IQSEC1: variants seen among roughly 807,000 people sequenced by gnomAD.
The protein encoded by IQSEC1 is IQ motif and SEC7 domain-containing protein 1.
Under a neutral mutation model 91.0 loss-of-function variants are expected in IQSEC1, and 31 were observed. The ratio of observed to expected loss-of-function variants is 0.34; its 90% CI spans 0.26 to 0.46. The LOEUF (loss-of-function observed/expected upper bound fraction) is 0.46, where lower values mean the gene tolerates loss of function less well. Among genes scored for constraint, IQSEC1 ranks in the 20% least tolerant of loss-of-function variants. The probability of loss-of-function intolerance (pLI) is 1.00; values close to 1 mark genes in which losing one functional copy is unlikely to be tolerated. For synonymous variants in IQSEC1, 699 were observed against 662.6 expected (o/e 1.05, Z -0.84); for missense variants, 1,388 against 1,575.6 (o/e 0.88, Z 2.02).
At position 12,899,201 on chromosome 3, in the gene IQSEC1, C is replaced by G; in HGVS notation, c.*1782G>C. On this transcript the variant is annotated 3_prime_UTR_variant, in exon 14 of 14. Coordinates refer to ENST00000613206, the MANE Select transcript of IQSEC1 (RefSeq NM_001134382.3). ...GGAGGGAAATCGGCAAAACCCTGGCCAGCCAGCCAGCCAAGGTGACACACA... is the reference window on the plus strand; with the variant it reads ...GGAGGGAAATCGGCAAAACCCTGGCGAGCCAGCCAGCCAAGGTGACACACA... 1.6e-6 allele frequency: 1 copy of G among 626,592 alleles called. No individual in the cohort carries two copies. 38.8% of individuals were successfully genotyped at this position (626,592 alleles called of 1,614,324 possible).
Position 12,909,575 on chromosome 3 carries a change from C to A in IQSEC1, c.2417-141G>T, listed in dbSNP as rs796723555. 2 of 767,556 alleles carry A rather than the reference C, an allele frequency of 2.6e-6. No individual in the cohort carries two copies. Among genetic ancestry groups the A allele is most frequent in the South Asian group, 3.5e-5 (2 of 56,620 alleles). 47.5% of individuals were successfully genotyped at this position (767,556 alleles called of 1,614,324 possible). ...GCCGGGAGTCCAGCCTCCGCAGTGGCAGGCTGCAGGGGTGCAGAGCAACCT... is the reference window on the plus strand; with the variant it reads ...GCCGGGAGTCCAGCCTCCGCAGTGGAAGGCTGCAGGGGTGCAGAGCAACCT... On this transcript the variant is annotated intron_variant, in intron 10 of 13. Transcript: ENST00000613206. The surrounding 1 kb of genome is among the most constrained non-coding windows in gnomAD (Gnocchi z 4.9).
rs529960790 is a variant in IQSEC1, at chr3:13,066,539, C to G, written c.23+6453G>C. Among the ~76,000 whole-genome samples, 21 of 152,360 alleles carry G rather than the reference C, an allele frequency of 1.4e-4. No individual in the cohort carries two copies. The South Asian group carries it at 4.3e-3, about 32-fold the overall frequency. On this transcript the variant is annotated intron_variant, in intron 1 of 13. Transcript: ENST00000613206. ...AAGAAGGGCACTCCCGGCAGAGGAGCCAGCATGGGCAAGAGTGTGGCAGGG... is the reference window on the plus strand; with the variant it reads ...AAGAAGGGCACTCCCGGCAGAGGAGGCAGCATGGGCAAGAGTGTGGCAGGG...
chr3:12,906,113 C>T (rs1047600795), intron 12 of IQSEC1, among the ~76,000 whole-genome samples: 1 of 152,210 alleles, frequency 6.6e-6, no homozygotes, highest in Non-Finnish European at 1.5e-5. Flanking sequence ...TCATCAGTCC[C>T]CTGGCTTCAT....
At chr3:13,022,530 G>T (rs540966767) in intron 1 of IQSEC1, 2 of 912,202 alleles carry the variant, frequency 2.2e-6, no homozygotes, top group African/African-American at 3.6e-5. Flanking sequence ...AGCTGCCGGA[G>T]CCCAGGGGCT....
intron 2 of IQSEC1, among the ~76,000 whole-genome samples, chr3:13,092,793 G>T (rs978138155): frequency 6.6e-6 from 1 of 152,174 alleles, no homozygotes; most frequent in Non-Finnish European, 1.5e-5. Context: ...CACCTTGCAG[G>T]GTTCCTGTCC....
At chr3:13,280,211 A>G (rs925512661) in intron 1 of IQSEC1, among the ~76,000 whole-genome samples, 8 of 152,060 alleles carry the variant, frequency 5.3e-5, no homozygotes, top group Admixed American at 6.5e-5. Flanking sequence ...TTGTCCACTC[A>G]TGTTGCTCTC....
chr3:13,057,739 G>A lies in IQSEC1; in HGVS notation c.23+15253C>T, dbSNP rs552000864. Among the ~76,000 whole-genome samples the A allele has an allele frequency of 8.5e-5, 13 of 152,338 alleles. No individual in the cohort carries two copies. The East Asian group carries it at 2.5e-3, about 29-fold the overall frequency. On this transcript the variant is annotated intron_variant, in intron 1 of 13. Coordinates refer to ENST00000613206, the MANE Select transcript of IQSEC1 (RefSeq NM_001134382.3). Reference sequence around the variant, plus strand: ...ACAGTGAGATGATTGTCCCAGAGCTGGCCTCCAATGCTCCTCCATCCTGCC... The same window carrying A: ...ACAGTGAGATGATTGTCCCAGAGCTAGCCTCCAATGCTCCTCCATCCTGCC...
chr3:13,156,161 G>A (rs1707083060), intron 2 of IQSEC1, among the ~76,000 whole-genome samples: 1 of 152,092 alleles, frequency 6.6e-6, no homozygotes, highest in Non-Finnish European at 1.5e-5. Context: ...GAACCTGGGA[G>A]GCAGAGGTTG....
At chr3:13,122,490 G>T (rs939753932) in intron 2 of IQSEC1, among the ~76,000 whole-genome samples, 7 of 152,066 alleles carry the variant, frequency 4.6e-5, no homozygotes, top group African/African-American at 1.2e-4. Context: ...GGAAGTGAGG[G>T]GTATGGGATG....
chr3:13,028,993 T>C (rs1436343569), intron 1 of IQSEC1, among the ~76,000 whole-genome samples: 2 of 152,156 alleles, frequency 1.3e-5, no homozygotes, highest in African/African-American at 4.8e-5. Flanking sequence ...ATCCACAACA[T>C]GGGGAGAAAA....
At chr3:13,067,102 T>C (rs112135427) in intron 1 of IQSEC1, among the ~76,000 whole-genome samples, 2,305 of 151,712 alleles carry the variant, frequency 0.015, 50 homozygotes, top group African/African-American at 0.05. Flanking sequence ...AGAGCTGGAG[T>C]GGAGCCTCCT....
At position 12,994,189 on chromosome 3, in the gene IQSEC1, C is replaced by T. The variant is rs1308311309; in HGVS notation, c.24-52324G>A. Reference sequence around the variant, plus strand: ...GGGGCGGGGGCGGGCGCTCGGGAGCCGGAGCCGGAGCCCGAGCCCGATACC... The same window carrying T: ...GGGGCGGGGGCGGGCGCTCGGGAGCTGGAGCCGGAGCCCGAGCCCGATACC... On this transcript the variant is annotated intron_variant, in intron 1 of 13. Transcript: ENST00000613206. This position sits in a 1 kb window ranked among gnomAD's most constrained non-coding sequence, Gnocchi z 4.5. Among the ~76,000 whole-genome samples, 2 of 147,148 alleles carry T rather than the reference C, an allele frequency of 1.4e-5. No individual in the cohort carries two copies. Among genetic ancestry groups the T allele is most frequent in the Non-Finnish European group, 3.0e-5 (2 of 66,230 alleles).
At chr3:12,918,819 CTAAATAAA>C (rs939513862) in intron 6 of IQSEC1, among the ~76,000 whole-genome samples, 1 of 152,080 alleles carries the variant, frequency 6.6e-6, no homozygotes, top group African/African-American at 2.4e-5. Context: ...AAGACCATGT[CTAAATAAA>C]TAAATAAATA....
chr3:13,002,152 T>A (rs1702448261), intron 1 of IQSEC1, among the ~76,000 whole-genome samples: 1 of 152,164 alleles, frequency 6.6e-6, no homozygotes, highest in Non-Finnish European at 1.5e-5. Flanking sequence ...AGGATACATT[T>A]GGGCCCATGC....
At chr3:13,010,552 A>G (rs360831) in intron 1 of IQSEC1, among the ~76,000 whole-genome samples, 118,806 of 152,126 alleles carry the variant, frequency 0.78, 47,115 homozygotes, top group African/African-American at 0.91. Flanking sequence ...AGAGATGGAA[A>G]AAGAGAAAAA....
intron 8 of IQSEC1, among the ~76,000 whole-genome samples, 196 bp downstream of exon 8, chr3:12,914,908 C>T (rs1695927416): frequency 6.6e-6 from 1 of 152,154 alleles, no homozygotes; most frequent in East Asian, 1.9e-4. Flanking sequence ...GGAGTCTCCC[C>T]TGACAGCACA....
Position 12,909,619 on chromosome 3 carries a change from A to G in IQSEC1, c.2417-185T>C, listed in dbSNP as rs980332264. Reference sequence around the variant, plus strand: ...GCAACCTCATCTCCCGACTTGGGAAAGATGGTCTGTGTCGCTCCACATGTG... The same window carrying G: ...GCAACCTCATCTCCCGACTTGGGAAGGATGGTCTGTGTCGCTCCACATGTG... On this transcript the variant is annotated intron_variant, in intron 10 of 13. Coordinates refer to ENST00000613206, the MANE Select transcript of IQSEC1 (RefSeq NM_001134382.3). This position sits in a 1 kb window ranked among gnomAD's most constrained non-coding sequence, Gnocchi z 4.9. 6.6e-6 allele frequency among the ~76,000 whole-genome samples: 1 copy of G among 152,226 alleles called. No individual in the cohort carries two copies. The highest frequency in any genetic ancestry group is 2.4e-5 in the African/African-American group (1 of 41,448).
intron 3 of IQSEC1, among the ~76,000 whole-genome samples, chr3:12,928,658 GC>G (rs1273659730): frequency 6.6e-6 from 1 of 152,192 alleles, no homozygotes; most frequent in African/African-American, 2.4e-5. Context: ...GTCCTTGGTG[GC>G]CCTGCTGGGT....
At position 12,935,241 on chromosome 3, in the gene IQSEC1, G is replaced by A. The variant is rs377024864; in HGVS notation, c.1568+207C>T. Among the ~76,000 whole-genome samples the A allele has an allele frequency of 7.2e-5, 11 of 152,226 alleles. No homozygotes were observed. Among genetic ancestry groups the A allele is most frequent in the African/African-American group, 2.2e-4 (9 of 41,462 alleles). On this transcript the variant is annotated intron_variant, in intron 3 of 13. Transcript: ENST00000613206. This position sits in a 1 kb window ranked among gnomAD's most constrained non-coding sequence, Gnocchi z 8.0. ...TGCCCCTGCTCAGCCTGTGTGTGTTGCCATCCCCACCAGCAGTCCCAGGAG... is the reference window on the plus strand; with the variant it reads ...TGCCCCTGCTCAGCCTGTGTGTGTTACCATCCCCACCAGCAGTCCCAGGAG...
Sources: gnomAD v4.1 joint callset for allele counts (sites outside exome capture counted in the v4.1 genomes callset) on GRCh38, gnomAD v4.1.1 for gene constraint, Gnocchi (gnomAD v3.1) non-coding constraint, MANE v1.5 for transcripts, NCBI Gene and HGNC (gene_info 2026-07-23, HGNC 2026-07-21) for gene names.